The following SLC35F1 variants were observed in gnomAD, a reference collection of about 807,000 sequenced individuals.
The protein encoded by SLC35F1 is solute carrier family 35 member F1.
SLC35F1 carries 14 observed loss-of-function variants against 48.7 expected under a neutral mutation model. That is an observed-to-expected ratio of 0.29 (90% CI 0.19 to 0.45). SLC35F1 has a LOEUF of 0.45. SLC35F1 is among the 20% of genes least tolerant of loss of function. The pLI is 1.00. For missense variants in SLC35F1, 404 were observed against 500.0 expected (o/e 0.81, Z 1.83); for synonymous variants, 190 against 202.2 (o/e 0.94, Z 0.51).
At chr6:118,253,572 A>G (rs899467790) in intron 3 of SLC35F1, among the ~76,000 whole-genome samples, 1 of 152,148 alleles carries the variant, frequency 6.6e-6, no homozygotes, top group African/African-American at 2.4e-5. Context: ...AAGACAGCCA[A>G]GGATAGGTCC....
intron 6 of SLC35F1, 27 bp downstream of exon 6, chr6:118,277,573 T>C (rs773321655): frequency 6.2e-7 from 1 of 1,606,234 alleles, no homozygotes; most frequent in Admixed American, 1.7e-5. Context: ...CATACGATGC[T>C]CTTTTTATAA....
chr6:118,084,934 C>G (rs1426705868), intron 1 of SLC35F1, among the ~76,000 whole-genome samples: 1 of 152,084 alleles, frequency 6.6e-6, no homozygotes, highest in Non-Finnish European at 1.5e-5. Context: ...TATGCCTTTC[C>G]CTGCCCTCAG....
intron 1 of SLC35F1, among the ~76,000 whole-genome samples, chr6:117,982,088 C>A (rs1244691630): frequency 6.6e-6 from 1 of 152,094 alleles, no homozygotes; most frequent in Non-Finnish European, 1.5e-5. Context: ...CTATTACAAC[C>A]CCCAAATCTG....
chr6:118,119,491 GGC>G (rs1491201995), intron 1 of SLC35F1, among the ~76,000 whole-genome samples: 1 of 19,442 alleles, frequency 5.1e-5, no homozygotes, highest in Admixed American at 8.4e-4. Flanking sequence ...AGTAATAACC[GGC>G]GCCCCCCCTC....
At chr6:117,995,482 C>T (rs1362036912) in intron 1 of SLC35F1, among the ~76,000 whole-genome samples, 1 of 152,104 alleles carries the variant, frequency 6.6e-6, no homozygotes, top group Non-Finnish European at 1.5e-5. Flanking sequence ...ATACAAAGGG[C>T]ATGTAATCCC....
chr6:118,034,558 A>AAAATAAAT lies in SLC35F1; in HGVS notation c.174-119868_174-119861dup, dbSNP rs541887091. ...GGGTGACAGAGTGAGACTCTATCAC[A>AAAATAAAT]AAATAAATAAATAAATAAATAAATA... On this transcript the variant is annotated intron_variant, in intron 1 of 7. Transcript: ENST00000360388. Among the ~76,000 whole-genome samples, 30 of 152,086 alleles carry AAAATAAAT rather than the reference A, an allele frequency of 2.0e-4. No individual in the cohort carries two copies. In the East Asian group the frequency reaches 5.0e-3, roughly 26 times the overall value.
chr6:118,032,385 G>A lies in SLC35F1; in HGVS notation c.174-122060G>A, dbSNP rs544821575. ...TTAGTGTATTCATTTAGAAAACTTC[G>A]ATTAATCATTTATGTCAGTCACTGC... On this transcript the variant is annotated intron_variant, in intron 1 of 7. Transcript: ENST00000360388. Among the ~76,000 whole-genome samples the A allele has an allele frequency of 1.3e-3, 199 of 152,160 alleles. 1 individual carries two copies. The highest frequency in any genetic ancestry group is 4.1e-3 in the African/African-American group (169 of 41,514).
chr6:117,913,060 G>A (rs1775783223), intron 1 of SLC35F1, among the ~76,000 whole-genome samples: 1 of 152,174 alleles, frequency 6.6e-6, no homozygotes, highest in African/African-American at 2.4e-5. Context: ...GTTTTATTAT[G>A]TAGTTGCCAT....
chr6:118,161,206 TC>T (rs1299044272), intron 2 of SLC35F1, among the ~76,000 whole-genome samples: 1 of 152,076 alleles, frequency 6.6e-6, no homozygotes, highest in African/African-American at 2.4e-5. Flanking sequence ...CACCTGAAGA[TC>T]TCACCTCCCC....
At chr6:117,944,230 TGTTTGCTATCA>T (rs1776266531) in intron 1 of SLC35F1, among the ~76,000 whole-genome samples, 1 of 152,208 alleles carries the variant, frequency 6.6e-6, no homozygotes, top group South Asian at 2.1e-4. Flanking sequence ...TTCTTGTGTC[TGTTTGCTATCA>T]GTTTGCTTAC....
At chr6:117,921,053 GACACACACACACACACAC>G (rs60793418) in intron 1 of SLC35F1, among the ~76,000 whole-genome samples, 38 of 149,506 alleles carry the variant, frequency 2.5e-4, no homozygotes, top group South Asian at 1.7e-3. Context: ...ATTTCTCTTT[GACACACACACACACACAC>G]ACACACACAC....
At chr6:117,926,731 C>A (rs1456293094) in intron 1 of SLC35F1, among the ~76,000 whole-genome samples, 1 of 152,000 alleles carries the variant, frequency 6.6e-6, no homozygotes, top group East Asian at 1.9e-4. Context: ...TCATGCAGGG[C>A]TTTGGAGTTA....
chr6:117,962,739 G>T (rs1004152581), intron 1 of SLC35F1, among the ~76,000 whole-genome samples: 2 of 152,232 alleles, frequency 1.3e-5, no homozygotes, highest in African/African-American at 4.8e-5. Context: ...AAAGAAGAAA[G>T]TGTCTTCATT....
At chr6:118,005,800 C>G (rs1156318748) in intron 1 of SLC35F1, among the ~76,000 whole-genome samples, 1 of 152,136 alleles carries the variant, frequency 6.6e-6, no homozygotes, top group African/African-American at 2.4e-5. Flanking sequence ...CTGATACAGC[C>G]AAACTGGTTT....
At chr6:118,095,702 A>C (rs757567059) in intron 1 of SLC35F1, among the ~76,000 whole-genome samples, 1 of 152,156 alleles carries the variant, frequency 6.6e-6, no homozygotes, top group Non-Finnish European at 1.5e-5. Flanking sequence ...TCAGACATAC[A>C]CAATAGGGCA....
intron 2 of SLC35F1, among the ~76,000 whole-genome samples, chr6:118,217,491 T>C (rs923055241): frequency 2.2e-4 from 34 of 152,198 alleles, no homozygotes; most frequent in African/African-American, 7.9e-4. Context: ...GGGAATATTG[T>C]TTAATGGGTA....
intron 2 of SLC35F1, among the ~76,000 whole-genome samples, chr6:118,222,036 A>G (rs563316031): frequency 8.5e-5 from 13 of 152,210 alleles, no homozygotes; most frequent in African/African-American, 3.1e-4. Flanking sequence ...GTTTTTCTTA[A>G]GTTCTTTTAA....
chr6:118,293,066 A>C (rs1776144252), intron 7 of SLC35F1, among the ~76,000 whole-genome samples: 1 of 152,122 alleles, frequency 6.6e-6, no homozygotes. Flanking sequence ...TTTCCATTGG[A>C]GGGTGTGCTG....
At chr6:118,275,410 G>T in intron 4 of SLC35F1, 49 bp from the exon 5 acceptor site, 1 of 1,555,808 alleles carries the variant, frequency 6.4e-7, no homozygotes. Context: ...TTCTTGTTAA[G>T]AAAGTTTTAA....
Sources: allele counts gnomAD v4.1 joint callset (sites outside exome capture counted in the v4.1 genomes callset), GRCh38; gene constraint gnomAD v4.1.1; transcripts MANE v1.5; gene names NCBI Gene and HGNC (gene_info 2026-07-23, HGNC 2026-07-21).